The following BFSP1 variants were observed in gnomAD, a reference collection of about 807,000 sequenced individuals.
BFSP1 encodes the protein filensin.
In BFSP1, 38 loss-of-function variants were observed where a neutral mutation model predicts 43.9. The observed-to-expected ratio is 0.87, with a 90% CI of 0.67 to 1.14. BFSP1 has a LOEUF of 1.14. Ranked by LOEUF, BFSP1 falls within the 50% of genes most tolerant of loss-of-function variation. The pLI, the probability that BFSP1 is intolerant of heterozygous loss-of-function variation, is 0.00. For missense variants in BFSP1, 850 were observed against 875.1 expected (o/e 0.97, Z 0.36); for synonymous variants, 352 against 354.8 (o/e 0.99, Z 0.09).
intron 5 of BFSP1, among the ~76,000 whole-genome samples, chr20:17,504,753 C>A (rs1295150950): frequency 6.6e-6 from 1 of 152,184 alleles, no homozygotes; most frequent in African/African-American, 2.4e-5. Context: ...CTGTTTCTGC[C>A]TGGACCGTTA....
upstream of BFSP1, chr20:17,560,769 G>A (rs1295718008): frequency 2.6e-5 from 4 of 152,218 alleles, no homozygotes; most frequent in Non-Finnish European, 5.9e-5. Flanking sequence ...TAGTTGCAGC[G>A]GGTGAGGCAG....
At chr20:17,543,285 A>G (rs2034749208) in intron 1 of BFSP1, among the ~76,000 whole-genome samples, 1 of 152,256 alleles carries the variant, frequency 6.6e-6, no homozygotes, top group South Asian at 2.1e-4. Flanking sequence ...CAGCAGCCAG[A>G]AGAGCATTTC....
At chr20:17,541,292 T>G in intron 1 of BFSP1, 1 of 982,052 alleles carries the variant, frequency 1.0e-6, no homozygotes, top group Non-Finnish European at 1.2e-6. Context: ...ATGAAACTCT[T>G]AAATGGGAAA....
At position 17,525,279 on chromosome 20, in the gene BFSP1, T is replaced by C. The variant is rs1164164632; in HGVS notation, c.378-371A>G. On this transcript the variant is annotated intron_variant, in intron 1 of 7. Coordinates refer to ENST00000377873, the MANE Select transcript of BFSP1 (RefSeq NM_001195.5). The surrounding 1 kb of genome is among the most constrained non-coding windows in gnomAD (Gnocchi z 4.2). Reference sequence around the variant, plus strand: ...AGAGATGGGAGACTGCCCTGCACAATCTACACCACCATTAACCTGACCGTA... The same window carrying C: ...AGAGATGGGAGACTGCCCTGCACAACCTACACCACCATTAACCTGACCGTA... 6.6e-6 allele frequency among the ~76,000 whole-genome samples: 1 copy of C among 152,174 alleles called. No homozygotes were observed. Among genetic ancestry groups the C allele is most frequent in the East Asian group, 1.9e-4 (1 of 5,198 alleles).
chr20:17,501,587 GAGA>G (rs2033802670), intron 5 of BFSP1, among the ~76,000 whole-genome samples: 1 of 131,456 alleles, frequency 7.6e-6, no homozygotes, highest in African/African-American at 2.9e-5. Flanking sequence ...GTGACAGAGC[GAGA>G]CTCTGTCAAA....
intron 1 of BFSP1, among the ~76,000 whole-genome samples, chr20:17,528,758 A>G (rs1359117372): frequency 1.3e-5 from 2 of 152,182 alleles, no homozygotes; most frequent in African/African-American, 2.4e-5. Flanking sequence ...AAACCCCAAG[A>G]CAAAAGAGCT....
At chr20:17,527,152 T>G (rs180970141) in intron 1 of BFSP1, among the ~76,000 whole-genome samples, 19 of 152,388 alleles carry the variant, frequency 1.2e-4, no homozygotes, top group Admixed American at 9.8e-4. Context: ...CTGAGTTCTA[T>G]CTAGGAAACT....
chr20:17,545,473 AGG>A (rs1197706320), intron 1 of BFSP1, among the ~76,000 whole-genome samples: 1 of 152,226 alleles, frequency 6.6e-6, no homozygotes, highest in South Asian at 2.1e-4. Context: ...ATTATGAAGG[AGG>A]GGGCCGGGCA....
At chr20:17,546,194 C>G (rs1168176875) in intron 1 of BFSP1, among the ~76,000 whole-genome samples, 1 of 152,132 alleles carries the variant, frequency 6.6e-6, no homozygotes, top group African/African-American at 2.4e-5. Flanking sequence ...AACTTACAAT[C>G]ATGGCAGAAG....
At chr20:17,530,639 G>A (rs950536031) in intron 1 of BFSP1, among the ~76,000 whole-genome samples, 1 of 152,106 alleles carries the variant, frequency 6.6e-6, no homozygotes, top group East Asian at 1.9e-4. Context: ...TGGTAACACG[G>A]GTATATACAT....
chr20:17,552,671 A>G (rs1156507976), intron 1 of BFSP1, among the ~76,000 whole-genome samples: 1 of 152,152 alleles, frequency 6.6e-6, no homozygotes, highest in East Asian at 1.9e-4. Context: ...AGAATTCTAT[A>G]TATATTTTGA....
chr20:17,497,397 C>A (rs534551243), intron 6 of BFSP1, among the ~76,000 whole-genome samples: 5 of 149,754 alleles, frequency 3.3e-5, no homozygotes, highest in Non-Finnish European at 7.4e-5. Flanking sequence ...GTATTTAGGG[C>A]AAACAGAGTA....
chr20:17,509,523 G>A (rs1600645822), intron 4 of BFSP1, among the ~76,000 whole-genome samples: 1 of 152,314 alleles, frequency 6.6e-6, no homozygotes, highest in East Asian at 1.9e-4. Context: ...AGTGTGACAT[G>A]CCGGGACCAA....
upstream of BFSP1, among the ~76,000 whole-genome samples, chr20:17,563,787 G>A (rs1167172940): frequency 6.6e-6 from 1 of 151,414 alleles, no homozygotes; most frequent in Non-Finnish European, 1.5e-5. Context: ...TTGACAGGCT[G>A]AGGTGGGAAG....
At chr20:17,553,275 G>C (rs2034924484) in intron 1 of BFSP1, among the ~76,000 whole-genome samples, 1 of 152,138 alleles carries the variant, frequency 6.6e-6, no homozygotes, top group Non-Finnish European at 1.5e-5. Context: ...GGTCATATGA[G>C]TAAAAGCAGT....
At chr20:17,553,776 C>CAT (rs1204969085) in intron 1 of BFSP1, among the ~76,000 whole-genome samples, 4,793 of 105,524 alleles carry the variant, frequency 0.045, 230 homozygotes, top group South Asian at 0.058. Context: ...AATATATAAA[C>CAT]ATATATATAT....
At chr20:17,543,082 C>G (rs1389575720) in intron 1 of BFSP1, among the ~76,000 whole-genome samples, 1 of 152,194 alleles carries the variant, frequency 6.6e-6, no homozygotes, top group African/African-American at 2.4e-5. Context: ...TGGCTGACCA[C>G]TGGCTCTGTT....
intron 1 of BFSP1, among the ~76,000 whole-genome samples, chr20:17,564,270 G>A (rs899253566): frequency 6.6e-6 from 1 of 151,648 alleles, no homozygotes; most frequent in Non-Finnish European, 1.5e-5. Context: ...AAGAGGCTGA[G>A]ATTGGAGGAT....
intron 5 of BFSP1, among the ~76,000 whole-genome samples, chr20:17,505,884 G>A (rs1230488426): frequency 2.0e-5 from 3 of 152,226 alleles, no homozygotes; most frequent in African/African-American, 7.2e-5. Flanking sequence ...GAGCTAAGGA[G>A]GCAGAATTTT....
Sources: allele counts gnomAD v4.1 joint callset (sites outside exome capture counted in the v4.1 genomes callset), GRCh38; gene constraint gnomAD v4.1.1; non-coding constraint Gnocchi (gnomAD v3.1); transcripts MANE v1.5; gene names NCBI Gene and HGNC (gene_info 2026-07-23, HGNC 2026-07-21).